LRP4: variants seen among roughly 807,000 people sequenced by gnomAD.
The protein encoded by LRP4 is low-density lipoprotein receptor-related protein 4.
In LRP4, 95 loss-of-function variants were observed where a neutral mutation model predicts 220.3. That is an observed-to-expected ratio of 0.43 (90% CI 0.37 to 0.51). LRP4 has a LOEUF of 0.51. LRP4 is among the 20% of genes least tolerant of loss of function. The pLI, the probability that LRP4 is intolerant of heterozygous loss-of-function variation, is 0.00. For synonymous variants in LRP4, 903 were observed against 954.6 expected, an observed-to-expected ratio of 0.95 and a Z score of 1.00; for missense variants, 1,925 against 2,567.0, an observed-to-expected ratio of 0.75 and a Z score of 5.40.
chr11:46,879,030 G>A lies in LRP4; in HGVS notation c.3013C>T (p.Pro1005Ser), dbSNP rs1238838888. ...FHRRRPPVST[P>S]CAMENGGCSH... ...CAGCCGCCATTCTCCATAGCACATG[G>A]TGTAGACACTGGGTAGAGAGGAGGG... The change falls in exon 22 of 38, where the codon CCA becomes TCA. Residue 1005 changes from proline to serine, a missense_variant. By Grantham distance (74) the Pro-to-Ser change is moderately conservative (BLOSUM62 -1). Coordinates refer to ENST00000378623, the MANE Select transcript of LRP4 (RefSeq NM_002334.4). 1 of 1,614,132 alleles carries A rather than the reference G, an allele frequency of 6.2e-7. No individual in the cohort carries two copies. Among genetic ancestry groups the A allele is most frequent in the East Asian group, 2.2e-5 (1 of 44,902 alleles).
rs139901577 is a variant in LRP4, at chr11:46,902,810, C to T, written c.172G>A (p.Gly58Arg). Residue 58 changes from glycine (G) to arginine (R), a missense_variant, in exon 2 of 38, where the codon GGG (glycine) becomes AGG (arginine). Gly to Arg is a moderately radical substitution (Grantham distance 125). This residue lies in a region of LRP4 where 412 missense variants were observed against 505.4 expected (regional missense o/e 0.82). Coordinates refer to ENST00000378623, the MANE Select transcript of LRP4 (RefSeq NM_002334.4). Reference sequence around the variant, plus strand: ...CATCCATCCTCATCGCTGTGGTCCCCGCAGTCATTGTCTCCATCACACTGC... The same window carrying T: ...CATCCATCCTCATCGCTGTGGTCCCTGCAGTCATTGTCTCCATCACACTGC... Reference protein sequence around the residue: ...QWQCDGDNDCGDHSDEDGCIL... With the variant: ...QWQCDGDNDCRDHSDEDGCIL... The T allele has an allele frequency of 1.1e-5, 17 of 1,614,122 alleles. No individual in the cohort carries two copies. The highest frequency in any genetic ancestry group is 6.7e-5 in the Admixed American group (4 of 60,022).
At chr11:46,906,385 G>C (rs1346825651) in intron 1 of LRP4, among the ~76,000 whole-genome samples, 1 of 152,054 alleles carries the variant, frequency 6.6e-6, no homozygotes, top group African/African-American at 2.4e-5. Context: ...GAACCATGGA[G>C]GCAGAGGTTG....
intron 22 of LRP4, among the ~76,000 whole-genome samples, chr11:46,878,672 T>C (rs1037062796): frequency 8.5e-5 from 13 of 152,202 alleles, no homozygotes; most frequent in Non-Finnish European, 1.5e-4. Flanking sequence ...CTAATATGCA[T>C]GAAGACATCA....
chr11:46,867,719 C>T (rs896718800), intron 34 of LRP4, among the ~76,000 whole-genome samples: 1 of 152,222 alleles, frequency 6.6e-6, no homozygotes, highest in Non-Finnish European at 1.5e-5. Flanking sequence ...CCTCAGCCTC[C>T]CAAAGTGCTG....
chr11:46,859,476 T>C (rs571401361), intron 37 of LRP4, among the ~76,000 whole-genome samples, 161 bp from the exon 38 acceptor site: 4 of 152,270 alleles, frequency 2.6e-5, no homozygotes, highest in African/African-American at 7.2e-5. Context: ...GTATGAGGCC[T>C]AGCCTAAAAG....
At chr11:46,874,703 C>A in intron 28 of LRP4, 97 bp downstream of exon 28, 2 of 1,039,802 alleles carry the variant, frequency 1.9e-6, no homozygotes, top group Non-Finnish European at 3.0e-6. Context: ...ATCCAAAGTG[C>A]CAAATCACTC....
chr11:46,873,488 T>G lies in LRP4; in HGVS notation c.4335A>C (p.Thr1445=). The G allele has an allele frequency of 6.2e-7, 1 of 1,614,230 alleles. No individual in the cohort carries two copies. The highest frequency in any genetic ancestry group is 1.3e-5 in the African/African-American group (1 of 75,058). ...CCTCAATGGTATTTCGACCTGTGTC[T>G]GTCCAGTACAGGTTCCTGGCCACCC... ...VDWVARNLYW[T]DTGRNTIEAS... is the part of the protein sequence containing the mutation. Residue 1445 remains threonine (T), a synonymous_variant, in exon 29 of 38, where the codon ACA becomes ACC. Coordinates refer to ENST00000378623, the MANE Select transcript of LRP4 (RefSeq NM_002334.4). The surrounding 1 kb of genome is among the most constrained non-coding windows in gnomAD (Gnocchi z 4.2).
intron 23 of LRP4, 68 bp from the exon 24 acceptor site, chr11:46,876,898 A>G: frequency 2.4e-6 from 3 of 1,251,910 alleles, no homozygotes; most frequent in Non-Finnish European, 3.5e-6. Flanking sequence ...CAGCTGATTC[A>G]TGTCTTGAAA....
intron 37 of LRP4, 147 bp downstream of exon 37, chr11:46,862,459 T>C (rs1940583445): frequency 2.3e-6 from 2 of 870,282 alleles, no homozygotes; most frequent in Non-Finnish European, 3.8e-6. Context: ...GAAACCCAAA[T>C]TACATTCAGT....
In LRP4 at chr11:46,895,275, G is replaced by C; in HGVS notation, c.1200C>G (p.Ala400=). The C allele has an allele frequency of 6.2e-7, 1 of 1,613,376 alleles. No homozygotes were observed. ...AGCCCTGGCTGCAATACCCCTCCTC[G>C]GCACATTCATTCACATCTGGGAACA... ...GHTCQDVNEC[A]EEGYCSQGCT... Residue 400 remains alanine, a synonymous_variant, in exon 11 of 38, where the codon GCC becomes GCG. Coordinates refer to ENST00000378623, the MANE Select transcript of LRP4 (RefSeq NM_002334.4).
chr11:46,889,465 T>C lies in LRP4; in HGVS notation c.2161A>G (p.Thr721Ala). The C allele has an allele frequency of 6.2e-7, 1 of 1,613,984 alleles. No individual in the cohort carries two copies. The highest frequency in any genetic ancestry group is 8.5e-7 in the Non-Finnish European group (1 of 1,179,988). The change falls in exon 16 of 38, where the codon ACC (threonine) becomes GCC (alanine). Residue 721 changes from threonine (T) to alanine (A), a missense_variant. This residue lies in a region of LRP4 where 1,244 missense variants were observed against 1,624.9 expected (regional missense o/e 0.77). Coordinates refer to ENST00000378623, the MANE Select transcript of LRP4 (RefSeq NM_002334.4). ...HLCLPSGQNY[T>A]CACPTGFRKI... is the part of the protein sequence containing the mutation. ...CGGAAGCCAGTGGGGCAGGCACAGG[T>C]GTAGTTCTGGCCACTGGGCAGACAC...
At chr11:46,909,399 GATCGAGACCA>G (rs1313476851) in intron 1 of LRP4, among the ~76,000 whole-genome samples, 1 of 129,624 alleles carries the variant, frequency 7.7e-6, no homozygotes, top group Non-Finnish European at 1.6e-5. Context: ...GAGGTCAGGA[GATCGAGACCA>G]TCCTGGCTAA....
intron 18 of LRP4, 73 bp downstream of exon 18, chr11:46,886,015 CCTT>C: frequency 8.1e-7 from 1 of 1,227,954 alleles, no homozygotes; most frequent in African/African-American, 1.5e-5. Flanking sequence ...ACACTGGGCT[CCTT>C]CTATCTGAGG....
chr11:46,886,702 G>A lies in LRP4; in HGVS notation c.2216-169C>T, dbSNP rs751815922. Reference sequence around the variant, plus strand: ...GCTTCTTTTAAGCACTGCCATGCTAGCAGAATCAGACTTCTAAATCAAATG... The same window carrying A: ...GCTTCTTTTAAGCACTGCCATGCTAACAGAATCAGACTTCTAAATCAAATG... On this transcript the variant is annotated intron_variant, in intron 16 of 37. Coordinates refer to ENST00000378623, the MANE Select transcript of LRP4 (RefSeq NM_002334.4). 2.6e-5 allele frequency among the ~76,000 whole-genome samples: 4 copies of A among 152,198 alleles called. No homozygotes were observed. The East Asian group carries it at 7.7e-4, about 29-fold the overall frequency.
At position 46,885,952 on chromosome 11, in the gene LRP4, C is replaced by T. The variant is rs112838289; in HGVS notation, c.2506+139G>A. On this transcript the variant is annotated intron_variant, in intron 18 of 37. Transcript: ENST00000378623. ...TCACTTCGGCTCTGCAGCAGCCCTC[C>T]GGCTTCTGACCTACCAAGGACTTGA... The T allele has an allele frequency of 0.01, 8,067 of 772,718 alleles. 70 individuals are homozygous for T. Among genetic ancestry groups the T allele is most frequent in the Middle Eastern group, 0.018 (50 of 2,760 alleles). The allele number at this position is 772,718 out of a possible 1,614,324, so 47.9% of individuals were successfully genotyped here. A position where few individuals can be genotyped will look rare whatever the true frequency, so the allele number is the denominator to read the frequency against.
intron 16 of LRP4, among the ~76,000 whole-genome samples, chr11:46,887,853 A>C (rs1592534266): frequency 6.6e-6 from 1 of 151,444 alleles, no homozygotes; most frequent in East Asian, 1.9e-4. Context: ...AACAAACAAA[A>C]AACTCCACAA....
intron 13 of LRP4, among the ~76,000 whole-genome samples, chr11:46,891,537 C>T (rs933146652): frequency 1.3e-5 from 2 of 152,094 alleles, no homozygotes; most frequent in Non-Finnish European, 2.9e-5. Flanking sequence ...AAGATACTCC[C>T]TCCATTGATT....
rs750847830 is a variant in LRP4, at chr11:46,875,996, G to A, written c.3537-30C>T. 30 of 1,605,866 alleles carry A rather than the reference G, an allele frequency of 1.9e-5. No individual in the cohort carries two copies. In the South Asian group the frequency reaches 3.1e-4, roughly 16 times the overall value. ...GTGAGGAAGAATATTAGCTATATTA[G>A]CTAGTTATTCCAGCAGCTACCACAT... On this transcript the variant is annotated intron_variant, in intron 25 of 37. Coordinates refer to ENST00000378623, the MANE Select transcript of LRP4 (RefSeq NM_002334.4). This position sits in a 1 kb window ranked among gnomAD's most constrained non-coding sequence, Gnocchi z 4.5.
At position 46,896,051 on chromosome 11, in the gene LRP4, C is replaced by A. The variant is rs765611827; in HGVS notation, c.1049-33G>T. ...AGCCAAGCCAGAGTTGGGAGTTGAG[C>A]CCAGAATCCTCCCCCAGAGAGCCAA... On this transcript the variant is annotated intron_variant, in intron 9 of 37. Transcript: ENST00000378623. 13 of 1,613,850 alleles carry A rather than the reference C, an allele frequency of 8.1e-6. No individual in the cohort carries two copies. The Admixed American group carries it at 1.5e-4, about 19-fold the overall frequency.
Sources: allele counts gnomAD v4.1 joint callset (sites outside exome capture counted in the v4.1 genomes callset), GRCh38; gene constraint gnomAD v4.1.1; regional missense constraint gnomAD v4.1.1; non-coding constraint Gnocchi (gnomAD v3.1); transcripts MANE v1.5; gene names NCBI Gene and HGNC (gene_info 2026-07-23, HGNC 2026-07-21).